Variants in PDZD2 observed in about 807,000 individuals in gnomAD.
PDZD2 encodes PDZ domain containing 2, also known as PDZ domain-containing protein 2.
A neutral mutation model predicts 220.7 loss-of-function variants in PDZD2; 90 were observed. The observed-to-expected ratio is 0.41, with a 90% CI of 0.34 to 0.49. PDZD2 has a LOEUF of 0.49. PDZD2 is among the 20% of genes least tolerant of loss of function. PDZD2 has a pLI of 0.28. For missense variants in PDZD2, 3,174 were observed against 3,608.5 expected (o/e 0.88, Z 3.08); for synonymous variants, 1,375 against 1,450.5 (o/e 0.95, Z 1.18).
At chr5:31,717,337 C>G (rs1025835841) in intron 1 of PDZD2, among the ~76,000 whole-genome samples, 1 of 152,160 alleles carries the variant, frequency 6.6e-6, no homozygotes, top group Admixed American at 6.5e-5. Context: ...ATCGCTGTCT[C>G]TGCCCTCAAG....
At chr5:31,707,451 C>A (rs1279385284) in intron 1 of PDZD2, among the ~76,000 whole-genome samples, 1 of 152,124 alleles carries the variant, frequency 6.6e-6, no homozygotes, top group African/African-American at 2.4e-5. Flanking sequence ...CCAGGAGGAG[C>A]CGCCTCACCA....
intron 1 of PDZD2, among the ~76,000 whole-genome samples, chr5:31,749,697 C>G (rs910097864): frequency 1.3e-5 from 2 of 152,220 alleles, no homozygotes; most frequent in Admixed American, 6.5e-5. Context: ...GCTGGGATTA[C>G]AGGCATGAGC....
rs115974868 is a variant in PDZD2, at chr5:31,774,982, T to C, written c.-360-23907T>C. ...GTGTAAACACTCCCACCATGGCTGGTTTCAAAGTATCAACATGATGTCAAC... is the reference window on the plus strand; with the variant it reads ...GTGTAAACACTCCCACCATGGCTGGCTTCAAAGTATCAACATGATGTCAAC... On this transcript the variant is annotated intron_variant, in intron 1 of 24. Coordinates refer to ENST00000438447, the MANE Select transcript of PDZD2 (RefSeq NM_178140.4). 7.6e-3 allele frequency among the ~76,000 whole-genome samples: 1,150 copies of C among 152,268 alleles called. 11 individuals are homozygous for C. Among genetic ancestry groups the C allele is most frequent in the African/African-American group, 0.026 (1,092 of 41,564 alleles).
intron 2 of PDZD2, among the ~76,000 whole-genome samples, chr5:31,945,342 G>A (rs1053184507): frequency 6.6e-6 from 1 of 152,312 alleles, no homozygotes; most frequent in Middle Eastern, 3.4e-3. Flanking sequence ...ATTCCCAGGA[G>A]ACTGGCATTG....
intron 1 of PDZD2, among the ~76,000 whole-genome samples, chr5:31,738,917 GCT>G (rs1298411174): frequency 3.3e-5 from 5 of 150,074 alleles, no homozygotes; most frequent in Admixed American, 1.3e-4. Flanking sequence ...ACACAGTCTT[GCT>G]CTGTCGCTCA....
intron 6 of PDZD2, among the ~76,000 whole-genome samples, chr5:32,014,102 C>T (rs528257396): frequency 6.6e-6 from 1 of 152,122 alleles, no homozygotes; most frequent in African/African-American, 2.4e-5. Context: ...TTTGTTTCAG[C>T]GTTTTTAAAA....
intron 2 of PDZD2, among the ~76,000 whole-genome samples, chr5:31,932,452 G>A (rs560847695): frequency 5.3e-5 from 8 of 152,232 alleles, no homozygotes; most frequent in Non-Finnish European, 7.4e-5. Context: ...GGGAGGCTGA[G>A]GCAGGAGAAT....
In PDZD2 at chr5:31,659,396, C is replaced by A. The variant is rs558174351; in HGVS notation, c.-361+19959C>A. Among the ~76,000 whole-genome samples, 7 of 152,152 alleles carry A rather than the reference C, an allele frequency of 4.6e-5. No individual in the cohort carries two copies. The East Asian group carries it at 1.4e-3, about 29-fold the overall frequency. The stretch of plus-strand genomic sequence containing the variant: ...CCTCCTGAGCACTGACTCACACATC[C>A]AAGTGTCTACCCGCCATCTCCATCT... On this transcript the variant is annotated intron_variant, in intron 1 of 24. Coordinates refer to ENST00000438447, the MANE Select transcript of PDZD2 (RefSeq NM_178140.4).
chr5:31,918,384 T>G (rs1003112398), intron 2 of PDZD2, among the ~76,000 whole-genome samples: 4 of 152,106 alleles, frequency 2.6e-5, no homozygotes, highest in Non-Finnish European at 4.4e-5. Context: ...CAGAACCAAC[T>G]AGGGTGAACA....
chr5:31,853,599 G>A (rs1476698186), intron 2 of PDZD2, among the ~76,000 whole-genome samples: 2 of 152,186 alleles, frequency 1.3e-5, no homozygotes, highest in Non-Finnish European at 2.9e-5. Flanking sequence ...GGCCCCTCCT[G>A]GGCTTTAATT....
intron 1 of PDZD2, among the ~76,000 whole-genome samples, chr5:31,765,269 C>T (rs1315369034): frequency 1.3e-5 from 2 of 152,096 alleles, no homozygotes; most frequent in Non-Finnish European, 2.9e-5. Flanking sequence ...TGTCAGAGCT[C>T]TGGAGAGGAA....
chr5:31,830,984 T>C (rs1320216281), intron 2 of PDZD2, among the ~76,000 whole-genome samples: 2 of 152,232 alleles, frequency 1.3e-5, no homozygotes, highest in Admixed American at 1.3e-4. Context: ...CAAGGGAGGA[T>C]GGAAGACTTC....
At chr5:31,988,948 G>A (rs74969555) in intron 3 of PDZD2, among the ~76,000 whole-genome samples, 7,171 of 152,138 alleles carry the variant, frequency 0.047, 246 homozygotes, top group Non-Finnish European at 0.071. Flanking sequence ...GGTCTCCTGC[G>A]GTACCCTCTG....
chr5:31,875,921 A>G (rs942414045), intron 2 of PDZD2, among the ~76,000 whole-genome samples: 1 of 151,798 alleles, frequency 6.6e-6, no homozygotes, highest in African/African-American at 2.4e-5. Flanking sequence ...ATCCTTTCAT[A>G]CTCCTTTTTC....
chr5:32,061,508 T>C (rs1739689788), intron 14 of PDZD2, among the ~76,000 whole-genome samples: 1 of 152,206 alleles, frequency 6.6e-6, no homozygotes, highest in African/African-American at 2.4e-5. Flanking sequence ...AGGCTTTTCT[T>C]ACCACATCTT....
intron 1 of PDZD2, chr5:31,657,101 A>T (rs1561366744): frequency 6.6e-6 from 1 of 152,224 alleles, no homozygotes; most frequent in Admixed American, 6.5e-5. Context: ...ACCGATCTCC[A>T]TCTGGTCGTA....
chr5:31,819,703 G>A (rs2150253229), intron 2 of PDZD2, among the ~76,000 whole-genome samples: 1 of 149,310 alleles, frequency 6.7e-6, no homozygotes, highest in South Asian at 2.1e-4. Context: ...ATGTTCATAT[G>A]TCTGTGTATA....
intron 24 of PDZD2, among the ~76,000 whole-genome samples, chr5:32,107,622 T>C (rs1450181651): frequency 6.6e-6 from 1 of 152,244 alleles, no homozygotes; most frequent in African/African-American, 2.4e-5. Context: ...CAGCTGTTGA[T>C]TTCCTTACCC....
In PDZD2 at chr5:31,930,786, G is replaced by A. The variant is rs562219633; in HGVS notation, c.477-52369G>A. 5.3e-5 allele frequency among the ~76,000 whole-genome samples: 8 copies of A among 152,190 alleles called. No homozygotes were observed. The South Asian group carries it at 1.7e-3, about 32-fold the overall frequency. On this transcript the variant is annotated intron_variant, in intron 2 of 24. Transcript: ENST00000438447. ...TGGCATGCCCTAAAAAACCCACTAT[G>A]CGACCAGACGCGGTGGCTCAGGCCT... is the stretch of plus-strand genomic sequence containing the variant.
Sources: allele counts gnomAD v4.1 joint callset (sites outside exome capture counted in the v4.1 genomes callset), GRCh38; gene constraint gnomAD v4.1.1; transcripts MANE v1.5; gene names NCBI Gene and HGNC (gene_info 2026-07-23, HGNC 2026-07-21).